The following GMDS variants were observed in gnomAD, a reference collection of about 807,000 sequenced individuals.
GMDS encodes GDP-mannose 4,6-dehydratase.
A neutral mutation model predicts 49.9 loss-of-function variants in GMDS; 20 were observed. That is an observed-to-expected ratio of 0.40 (90% CI 0.28 to 0.58). The LOEUF (loss-of-function observed/expected upper bound fraction) is 0.58. Among genes scored for constraint, GMDS ranks in the 20% least tolerant of loss-of-function variants. The probability of loss-of-function intolerance (pLI) is 0.42; values close to 1 mark genes in which losing one functional copy is unlikely to be tolerated. For missense variants in GMDS, 362 were observed against 481.4 expected, an observed-to-expected ratio of 0.75 and a Z score of 2.32; for synonymous variants, 177 against 178.6, an observed-to-expected ratio of 0.99 and a Z score of 0.07.
At chr6:2,162,894 A>G (rs1030450365) in intron 1 of GMDS, among the ~76,000 whole-genome samples, 1 of 152,118 alleles carries the variant, frequency 6.6e-6, no homozygotes, top group African/African-American at 2.4e-5. Context: ...CTGCAATTTC[A>G]GTTCATTCCT....
At chr6:1,858,076 C>G (rs1758019170) in intron 7 of GMDS, among the ~76,000 whole-genome samples, 1 of 152,054 alleles carries the variant, frequency 6.6e-6, no homozygotes, top group Non-Finnish European at 1.5e-5. Flanking sequence ...GTCATACTAC[C>G]TAAGAGTAAA....
chr6:1,631,784 A>C (rs2113154290), intron 9 of GMDS, among the ~76,000 whole-genome samples: 1 of 152,252 alleles, frequency 6.6e-6, no homozygotes, highest in Admixed American at 6.5e-5. Flanking sequence ...TTCTTAAGCA[A>C]CTCAAGGCCT....
chr6:2,054,265 A>C (rs1158520928), intron 4 of GMDS, among the ~76,000 whole-genome samples: 1 of 152,118 alleles, frequency 6.6e-6, no homozygotes, highest in South Asian at 2.1e-4. Context: ...TAAAAGACCT[A>C]TTTTTAAATT....
chr6:1,787,244 C>A (rs1769362030), intron 7 of GMDS, among the ~76,000 whole-genome samples: 1 of 152,060 alleles, frequency 6.6e-6, no homozygotes, highest in South Asian at 2.1e-4. Flanking sequence ...AATGTCAAGA[C>A]CAGTCAGAAA....
chr6:2,105,144 T>G (rs1324187971), intron 4 of GMDS, among the ~76,000 whole-genome samples: 1 of 129,540 alleles, frequency 7.7e-6, no homozygotes, highest in East Asian at 2.2e-4. Context: ...ATCACGCCAC[T>G]GCACTCCAGC....
rs575196065 is a variant in GMDS at position 2,146,549 on chromosome 6, T to C, written c.103-21818A>G. On this transcript the variant is annotated intron_variant, in intron 1 of 10. Coordinates refer to ENST00000380815, the MANE Select transcript of GMDS (RefSeq NM_001500.4). ...ATTACATGATCTCTAATGACTCTTG[T>C]AGCCCTAAAGCTTTGTGATCTTATG... Among the ~76,000 whole-genome samples the C allele has an allele frequency of 6.6e-5, 10 of 152,342 alleles. No homozygotes were observed. In the South Asian group the frequency reaches 1.4e-3, roughly 22 times the overall value.
At chr6:2,236,948 T>C (rs973481514) in intron 1 of GMDS, among the ~76,000 whole-genome samples, 5 of 152,210 alleles carry the variant, frequency 3.3e-5, no homozygotes, top group African/African-American at 9.6e-5. Context: ...TATAAATCCC[T>C]AGTAAATACC....
chr6:1,968,621 A>G (rs1764400052), intron 4 of GMDS, among the ~76,000 whole-genome samples: 2 of 152,280 alleles, frequency 1.3e-5, no homozygotes, highest in South Asian at 4.1e-4. Context: ...GGTAAATTTC[A>G]GGTTCAGGGA....
intron 2 of GMDS, among the ~76,000 whole-genome samples, chr6:2,120,550 T>C (rs934485457): frequency 9.9e-5 from 15 of 152,228 alleles, no homozygotes; most frequent in African/African-American, 3.4e-4. Context: ...TAAATTCTGA[T>C]ACATTGTGTT....
intron 6 of GMDS, among the ~76,000 whole-genome samples, chr6:1,935,032 A>AATT (rs1762460003): frequency 6.6e-6 from 1 of 152,206 alleles, no homozygotes; most frequent in Non-Finnish European, 1.5e-5. Flanking sequence ...AGTGTTTGTG[A>AATT]ATTATTATAG....
At chr6:2,243,625 G>T (rs1286527385) in intron 1 of GMDS, among the ~76,000 whole-genome samples, 2 of 152,068 alleles carry the variant, frequency 1.3e-5, no homozygotes, top group Non-Finnish European at 2.9e-5. Context: ...CTGTCTTACT[G>T]CCTCAATTCA....
chr6:1,695,909 TTTTTTTTTTTTTTC>T (rs1375471995), intron 9 of GMDS, among the ~76,000 whole-genome samples: 2 of 14,050 alleles, frequency 1.4e-4, no homozygotes, highest in Non-Finnish European at 2.7e-4. Context: ...CTGTCTTGGT[TTTTTTTTTTTTTTC>T]TTTTTTTTTT....
chr6:1,956,181 G>A (rs926146547), intron 6 of GMDS, among the ~76,000 whole-genome samples: 2 of 152,160 alleles, frequency 1.3e-5, no homozygotes, highest in Non-Finnish European at 2.9e-5. Context: ...GAATGTTGAG[G>A]ATCTGTCTAC....
chr6:1,758,435 A>G (rs575330249), intron 7 of GMDS, among the ~76,000 whole-genome samples: 11 of 152,274 alleles, frequency 7.2e-5, no homozygotes, highest in South Asian at 4.1e-4. Flanking sequence ...TCTCTCCCCA[A>G]TTGGAATACC....
At chr6:1,957,124 A>G (rs1241947610) in intron 6 of GMDS, among the ~76,000 whole-genome samples, 1 of 152,166 alleles carries the variant, frequency 6.6e-6, no homozygotes, top group Admixed American at 6.6e-5. Context: ...TTTAATTACT[A>G]TATGAGTAAA....
chr6:2,121,276 T>C (rs1474337028), intron 2 of GMDS, among the ~76,000 whole-genome samples: 1 of 152,164 alleles, frequency 6.6e-6, no homozygotes, highest in Non-Finnish European at 1.5e-5. Context: ...GAATTAAGTG[T>C]ATAGCATAAT....
Position 2,203,851 on chromosome 6 carries a change from G to A in GMDS, c.102+41470C>T, listed in dbSNP as rs544835326. 3.1e-3 allele frequency among the ~76,000 whole-genome samples: 471 copies of A among 152,244 alleles called. 3 individuals carry two copies. The highest frequency in any genetic ancestry group is 0.011 in the African/African-American group (445 of 41,548). ...AGCACAGGGAATGAAAACTGTAAAT[G>A]ATCACACGATTTCACATGGAAAAAG... is the stretch of plus-strand genomic sequence containing the variant. On this transcript the variant is annotated intron_variant, in intron 1 of 10. Transcript: ENST00000380815.
intron 7 of GMDS, among the ~76,000 whole-genome samples, chr6:1,883,807 A>G (rs932211727): frequency 5.3e-5 from 8 of 152,214 alleles, no homozygotes; most frequent in African/African-American, 1.9e-4. Flanking sequence ...ACATTTAAAT[A>G]TATCTAAAAG....
At chr6:1,712,432 T>A (rs1357061331) in intron 9 of GMDS, among the ~76,000 whole-genome samples, 6 of 152,254 alleles carry the variant, frequency 3.9e-5, no homozygotes, top group African/African-American at 1.4e-4. Flanking sequence ...CTCCTAATTA[T>A]TTTGACTGAA....
Sources: gnomAD v4.1 joint callset for allele counts (sites outside exome capture counted in the v4.1 genomes callset) on GRCh38, gnomAD v4.1.1 for gene constraint, MANE v1.5 for transcripts, NCBI Gene and HGNC (gene_info 2026-07-23, HGNC 2026-07-21) for gene names.